Variants in INSC observed in about 807,000 individuals in gnomAD.
INSC encodes INSC spindle orientation adaptor protein, also known as protein inscuteable homolog.
Under a neutral mutation model 58.6 loss-of-function variants are expected in INSC, and 67 were observed. That is an observed-to-expected ratio of 1.14 (90% CI 0.94 to 1.40). INSC has a LOEUF of 1.40. INSC is among the 40% of genes most tolerant of loss of function. INSC has a pLI of 0.00. For missense variants in INSC, 714 were observed against 692.0 expected, an observed-to-expected ratio of 1.03 and a Z score of -0.36; for synonymous variants, 262 against 276.1, an observed-to-expected ratio of 0.95 and a Z score of 0.51.
At chr11:15,269,661 A>C in the INSC span, among the ~76,000 whole-genome samples, 3 of 151,972 alleles carry the variant, frequency 2.0e-5, no homozygotes, top group Non-Finnish European at 2.9e-5. Flanking sequence ...AGCATCCTAC[A>C]TGATCTTGTC....
At chr11:15,189,626 A>G (rs1217140692) in intron 5 of INSC, among the ~76,000 whole-genome samples, 1 of 152,206 alleles carries the variant, frequency 6.6e-6, no homozygotes, top group Non-Finnish European at 1.5e-5. Flanking sequence ...CCATAATACT[A>G]GTATTTAATT....
At chr11:15,163,591 T>G (rs1849090152) in intron 2 of INSC, among the ~76,000 whole-genome samples, 1 of 152,194 alleles carries the variant, frequency 6.6e-6, no homozygotes, top group African/African-American at 2.4e-5. Flanking sequence ...TTATTTTACT[T>G]ATGTATTTAT....
At chr11:15,162,441 C>A (rs1849051743) in intron 2 of INSC, among the ~76,000 whole-genome samples, 1 of 152,202 alleles carries the variant, frequency 6.6e-6, no homozygotes, top group African/African-American at 2.4e-5. Context: ...TCTCAATGAG[C>A]CCTGCTCTGA....
Position 15,149,207 on chromosome 11 carries a change from C to T in INSC, c.33C>T (p.Asp11=). The change falls in exon 2 of 13, where the codon GAC becomes GAT. Residue 11 remains aspartate, a synonymous_variant. Coordinates refer to ENST00000379556, the MANE Select transcript of INSC (RefSeq NM_001042536.3). MMALPGGRHL[D]SVTLPGQRLH... is the part of the protein sequence containing the mutation. ...CACTGCCTGGAGGTCGCCACCTGGA[C>T]TCCGTCACCCTGCCGGGTCAGCGGT... The T allele has an allele frequency of 1.2e-6, 2 of 1,609,216 alleles. No homozygotes were observed. The highest frequency in any genetic ancestry group is 1.7e-6 in the Non-Finnish European group (2 of 1,177,992).
At chr11:15,122,294 G>A (rs1223001892) in intron 1 of INSC, among the ~76,000 whole-genome samples, 1 of 152,224 alleles carries the variant, frequency 6.6e-6, no homozygotes, top group Non-Finnish European at 1.5e-5. Context: ...ACAGCATGAG[G>A]TGGGTGAATG....
intron 5 of INSC, among the ~76,000 whole-genome samples, chr11:15,187,073 T>C (rs896507506): frequency 6.6e-5 from 10 of 152,128 alleles, no homozygotes; most frequent in African/African-American, 2.4e-4. Flanking sequence ...GCTGGAAGGA[T>C]GACCTTAGCT....
At chr11:15,238,694 A>G (rs1852223212) in intron 10 of INSC, among the ~76,000 whole-genome samples, 1 of 152,190 alleles carries the variant, frequency 6.6e-6, no homozygotes, top group Non-Finnish European at 1.5e-5. Context: ...AAAAATAAAG[A>G]TGTCTTCAGA....
intron 5 of INSC, among the ~76,000 whole-genome samples, chr11:15,189,489 T>C (rs998243734): frequency 6.6e-6 from 1 of 152,124 alleles, no homozygotes; most frequent in South Asian, 2.1e-4. Context: ...TGCCTCAATC[T>C]TCCAAATAGC....
chr11:15,152,794 C>T (rs1848695094), intron 2 of INSC, among the ~76,000 whole-genome samples: 1 of 152,190 alleles, frequency 6.6e-6, no homozygotes, highest in African/African-American at 2.4e-5. Flanking sequence ...CTCCCAGCAG[C>T]TGGGACAATA....
intron 1 of INSC, among the ~76,000 whole-genome samples, chr11:15,128,518 A>G (rs2133700043): frequency 6.6e-6 from 1 of 152,348 alleles, no homozygotes; most frequent in African/African-American, 2.4e-5. Flanking sequence ...AAGCTTATGC[A>G]GTTAGTTACT....
At chr11:15,223,704 A>G (rs983153827) in intron 8 of INSC, among the ~76,000 whole-genome samples, 3 of 152,266 alleles carry the variant, frequency 2.0e-5, no homozygotes, top group East Asian at 3.9e-4. Context: ...ACCCAAAACC[A>G]TGGATATAGG....
the INSC span, among the ~76,000 whole-genome samples, chr11:15,256,363 A>C: frequency 1.3e-5 from 2 of 152,234 alleles, no homozygotes; most frequent in Non-Finnish European, 2.9e-5. Context: ...AAGTACTTCT[A>C]AATTGAAAAG....
intron 2 of INSC, among the ~76,000 whole-genome samples, chr11:15,167,552 C>G (rs1297358090): frequency 6.6e-6 from 1 of 151,990 alleles, no homozygotes; most frequent in Non-Finnish European, 1.5e-5. Context: ...CCTTGACCTC[C>G]TGGGCTCAAG....
intron 1 of INSC, 121 bp from the exon 2 acceptor site, chr11:15,149,009 G>T (rs1848563873): frequency 2.5e-6 from 3 of 1,204,834 alleles, no homozygotes; most frequent in Non-Finnish European, 1.1e-6. Flanking sequence ...AACAGAAGAA[G>T]AGGGCTAAGA....
chr11:15,167,753 G>T (rs530872204), intron 2 of INSC, among the ~76,000 whole-genome samples: 1 of 152,120 alleles, frequency 6.6e-6, no homozygotes, highest in South Asian at 2.1e-4. Context: ...CAAAGTGTTG[G>T]GATTACAGGC....
intron 7 of INSC, among the ~76,000 whole-genome samples, chr11:15,201,467 G>A (rs1850589533): frequency 6.6e-6 from 1 of 152,180 alleles, no homozygotes; most frequent in Non-Finnish European, 1.5e-5. Context: ...GGGCCAAGAT[G>A]GCGTGGGAGT....
intron 2 of INSC, among the ~76,000 whole-genome samples, chr11:15,173,189 A>G (rs1212233705): frequency 6.6e-6 from 1 of 152,218 alleles, no homozygotes; most frequent in African/African-American, 2.4e-5. Flanking sequence ...AACATTGGAA[A>G]GAGTGTTTTA....
rs935589696 is a variant in INSC, at chr11:15,190,769, C to T, written c.648C>T (p.Phe216=). The change falls in exon 6 of 13, where the codon TTC becomes TTT. Residue 216 remains phenylalanine, a synonymous_variant. Transcript: ENST00000379556. ...YTTESTTGNL[F]SLTQEGAPLC... ...CAGAGTCCACCACAGGGAACCTGTT[C>T]AGCCTGACCCAGGAGGGGGCTCCCT... The T allele has an allele frequency of 1.2e-6, 2 of 1,613,786 alleles. No individual in the cohort carries two copies. Among genetic ancestry groups the T allele is most frequent in the African/African-American group, 2.7e-5 (2 of 74,920 alleles).
chr11:15,258,200 C>G, the INSC span, among the ~76,000 whole-genome samples: 1 of 152,168 alleles, frequency 6.6e-6, no homozygotes, highest in Non-Finnish European at 1.5e-5. Flanking sequence ...AGAGGAGTGT[C>G]TCAGCACAGC....
Sources: gnomAD v4.1 joint callset for allele counts (sites outside exome capture counted in the v4.1 genomes callset) on GRCh38, gnomAD v4.1.1 for gene constraint, MANE v1.5 for transcripts, NCBI Gene and HGNC (gene_info 2026-07-23, HGNC 2026-07-21) for gene names.